Variants in GTF2A2 observed in about 807,000 individuals in gnomAD.
The protein encoded by GTF2A2 is general transcription factor IIA subunit 2.
A neutral mutation model predicts 14.3 loss-of-function variants in GTF2A2; 9 were observed. The observed-to-expected ratio is 0.63, with a 90% CI of 0.38 to 1.10. GTF2A2 has a LOEUF of 1.10. GTF2A2 is among the 50% of genes least tolerant of loss of function. The pLI, the probability that GTF2A2 is intolerant of heterozygous loss-of-function variation, is 0.01. For missense variants in GTF2A2, 90 were observed against 124.6 expected (o/e 0.72, Z 1.32); for synonymous variants, 56 against 46.0 (o/e 1.22, Z -0.88).
intron 4 of GTF2A2, among the ~76,000 whole-genome samples, chr15:59,639,875 G>A (rs895160511): frequency 2.0e-5 from 3 of 151,940 alleles, no homozygotes; most frequent in Admixed American, 1.3e-4. Context: ...CTCAGCCTCC[G>A]CAGCAGCTGG....
At chr15:59,643,071 A>C (rs1474912963) in intron 3 of GTF2A2, among the ~76,000 whole-genome samples, 5 of 109,814 alleles carry the variant, frequency 4.6e-5, no homozygotes, top group African/African-American at 1.8e-4. Context: ...TGGCCTATAT[A>C]ATTTTTTTTT....
rs1241260063 is a variant in GTF2A2 at position 59,639,086 on chromosome 15, G to A, written c.*46C>T. 9.1e-6 allele frequency: 10 copies of A among 1,100,360 alleles called. No homozygotes were observed. Among genetic ancestry groups the A allele is most frequent in the Non-Finnish European group, 1.4e-5 (10 of 714,940 alleles). The allele number at this position is 1,100,360 out of a possible 1,614,324, so 68.2% of individuals were successfully genotyped here. A position where few individuals can be genotyped will look rare whatever the true frequency, so the allele number is the denominator to read the frequency against. ...GTCTCTTCTATGCTTCTCTTCAAAA[G>A]CAATGAATAACAGAAGATGGTGTAA... On this transcript the variant is annotated 3_prime_UTR_variant, in exon 5 of 5. Coordinates refer to ENST00000396060, the MANE Select transcript of GTF2A2 (RefSeq NM_004492.3).
chr15:59,643,532 A>G (rs949850079), intron 3 of GTF2A2, among the ~76,000 whole-genome samples: 2 of 151,702 alleles, frequency 1.3e-5, no homozygotes, highest in Non-Finnish European at 2.9e-5. Context: ...TCTTATAATT[A>G]AGAAAAAAAA....
intron 1 of GTF2A2, among the ~76,000 whole-genome samples, chr15:59,653,686 A>G (rs1205377736): frequency 2.0e-5 from 3 of 152,162 alleles, no homozygotes; most frequent in South Asian, 4.1e-4. Context: ...TCAAATTTGT[A>G]TCTCCAGCCC....
intron 4 of GTF2A2, among the ~76,000 whole-genome samples, 161 bp from the exon 5 acceptor site, chr15:59,639,318 T>A (rs185215388): frequency 2.0e-5 from 3 of 152,200 alleles, no homozygotes; most frequent in Non-Finnish European, 4.4e-5. Context: ...TGTAAATATG[T>A]TGAACTTCAG....
chr15:59,651,769 C>T (rs1352243646), intron 2 of GTF2A2: 2 of 154,594 alleles, frequency 1.3e-5, no homozygotes, highest in Admixed American at 1.3e-4. Flanking sequence ...GCACTTAAGC[C>T]TCAAACTCCT....
intron 3 of GTF2A2, 49 bp from the exon 4 acceptor site, chr15:59,642,311 C>A: frequency 6.6e-7 from 1 of 1,515,604 alleles, no homozygotes; most frequent in Non-Finnish European, 8.9e-7. Flanking sequence ...TTTCCCCTCA[C>A]ATTTTTCTCC....
At chr15:59,640,678 G>GTATT (rs1200044577) in intron 4 of GTF2A2, among the ~76,000 whole-genome samples, 2 of 152,028 alleles carry the variant, frequency 1.3e-5, no homozygotes, top group African/African-American at 4.8e-5. Flanking sequence ...AGAGATCTAG[G>GTATT]TATTATAAAT....
intron 4 of GTF2A2, among the ~76,000 whole-genome samples, chr15:59,639,696 G>C (rs1891330974): frequency 6.6e-6 from 1 of 151,782 alleles, no homozygotes; most frequent in Admixed American, 6.6e-5. Context: ...CTGACCTCGT[G>C]ATCTGCCCGC....
intron 3 of GTF2A2, among the ~76,000 whole-genome samples, chr15:59,644,620 A>C (rs1464556242): frequency 6.6e-6 from 1 of 152,244 alleles, no homozygotes; most frequent in Non-Finnish European, 1.5e-5. Flanking sequence ...TACTGGGTAC[A>C]ATGAGAGTAC....
Position 59,650,663 on chromosome 15 carries a change from C to G in GTF2A2, c.177+6G>C, listed in dbSNP as rs961353991. On this transcript the variant is annotated splice_donor_region_variant and intron_variant, in intron 3 of 4. Transcript: ENST00000396060. ...CAGGCTTCTAGATTCAGGAAAATAT[C>G]CTTACCCTGAAATTGACTCTGTTCC... The G allele has an allele frequency of 2.0e-6, 3 of 1,501,856 alleles. No individual in the cohort carries two copies. Among genetic ancestry groups the G allele is most frequent in the Non-Finnish European group, 2.8e-6 (3 of 1,078,344 alleles). The allele number at this position is 1,501,856 out of a possible 1,614,324, so 93.0% of individuals were successfully genotyped here. A position where few individuals can be genotyped will look rare whatever the true frequency, so the allele number is the denominator to read the frequency against.
At chr15:59,647,849 C>T (rs1437659639) in intron 3 of GTF2A2, among the ~76,000 whole-genome samples, 2 of 152,084 alleles carry the variant, frequency 1.3e-5, no homozygotes, top group Non-Finnish European at 2.9e-5. Flanking sequence ...GGGTTACAGG[C>T]ATGAGCCACT....
intron 3 of GTF2A2, among the ~76,000 whole-genome samples, chr15:59,644,736 G>A (rs371232338): frequency 1.1e-4 from 16 of 152,156 alleles, no homozygotes; most frequent in African/African-American, 3.9e-4. Flanking sequence ...TGGAGAGGAG[G>A]GATAATGGAA....
intron 3 of GTF2A2, among the ~76,000 whole-genome samples, chr15:59,645,809 G>A (rs1891585249): frequency 6.6e-6 from 1 of 151,990 alleles, no homozygotes; most frequent in Non-Finnish European, 1.5e-5. Context: ...GCTGAGGTGG[G>A]AGGGTCACTG....
intron 3 of GTF2A2, among the ~76,000 whole-genome samples, chr15:59,644,709 G>A (rs1468481218): frequency 2.6e-5 from 4 of 152,184 alleles, no homozygotes; most frequent in East Asian, 1.9e-4. Context: ...GAGTCCTAAA[G>A]AATAAGTAAG....
chr15:59,646,787 TTC>T (rs1190785621), intron 3 of GTF2A2, among the ~76,000 whole-genome samples: 2 of 152,164 alleles, frequency 1.3e-5, no homozygotes, highest in Admixed American at 6.6e-5. Flanking sequence ...GCTACGTAAC[TTC>T]TGAGCCAACA....
chr15:59,656,874 A>G lies in GTF2A2; in HGVS notation c.-50+532T>C, dbSNP rs545579985. ...TTTTAGATGTGGTATCAGCCACAGA[A>G]ATTTATTGTTCCCTTCTTGTTTTGC... is the stretch of plus-strand genomic sequence containing the variant. On this transcript the variant is annotated intron_variant, in intron 1 of 4. Coordinates refer to ENST00000396060, the MANE Select transcript of GTF2A2 (RefSeq NM_004492.3). 3.3e-5 allele frequency: 5 copies of G among 152,348 alleles called. No individual in the cohort carries two copies. The East Asian group carries it at 9.6e-4, about 29-fold the overall frequency. The allele number at this position is 152,348 out of a possible 1,614,324, so 9.4% of individuals were successfully genotyped here.
Position 59,657,474 on chromosome 15 carries a change from TTCTCCGACCACC to T in GTF2A2, c.-130_-119del, listed in dbSNP as rs1891992465. 2.0e-5 allele frequency: 3 copies of T among 152,608 alleles called. No homozygotes were observed. The South Asian group carries it at 6.2e-4, about 32-fold the overall frequency. The allele number at this position is 152,608 out of a possible 1,614,324, so 9.5% of individuals were successfully genotyped here. ...CACGAGCCCGGCAGGAGGTTCCTAC[TTCTCCGACCACC>T]TCTCCAGCCGCCGCAGAAACCGCAG... On this transcript the variant is annotated 5_prime_UTR_variant, in exon 1 of 5. Transcript: ENST00000396060.
At chr15:59,649,772 T>C (rs988279287) in intron 3 of GTF2A2, among the ~76,000 whole-genome samples, 3 of 152,194 alleles carry the variant, frequency 2.0e-5, no homozygotes, top group Non-Finnish European at 4.4e-5. Context: ...TCTGAGTATC[T>C]AGAACATGCC....
Sources: gnomAD v4.1 joint callset for allele counts (sites outside exome capture counted in the v4.1 genomes callset) on GRCh38, gnomAD v4.1.1 for gene constraint, MANE v1.5 for transcripts, NCBI Gene and HGNC (gene_info 2026-07-23, HGNC 2026-07-21) for gene names.